The following FBN3 variants were observed in gnomAD, a reference collection of about 807,000 sequenced individuals.
The protein encoded by FBN3 is fibrillin 3, also known as fibrillin-3.
Under a neutral mutation model 330.1 loss-of-function variants are expected in FBN3, and 234 were observed. The observed-to-expected ratio is 0.71, with a 90% CI of 0.64 to 0.79. The LOEUF is 0.79. Ranked by LOEUF, FBN3 falls within the 30% of genes least tolerant of loss-of-function variation. The pLI is 0.00. For missense variants in FBN3, 3,606 were observed against 3,886.9 expected (o/e 0.93, Z 1.92); for synonymous variants, 1,458 against 1,517.3 (o/e 0.96, Z 0.91).
In FBN3 at chr19:8,147,094, T is replaced by C; in HGVS notation, c.250+10A>G. On this transcript the variant is annotated intron_variant, in intron 3 of 63. Transcript: ENST00000600128. Reference sequence around the variant, plus strand: ...GTGCCCCCCCACCTCCAGACGGCGGTAGCACTCACGTACGACACACTGGCT... The same window carrying C: ...GTGCCCCCCCACCTCCAGACGGCGGCAGCACTCACGTACGACACACTGGCT... The C allele has an allele frequency of 6.4e-7, 1 of 1,552,538 alleles. No individual in the cohort carries two copies. Among genetic ancestry groups the C allele is most frequent in the Non-Finnish European group, 8.7e-7 (1 of 1,151,710 alleles).
intron 61 of FBN3, among the ~76,000 whole-genome samples, chr19:8,073,973 T>G (rs2081582397): frequency 6.6e-6 from 1 of 152,092 alleles, no homozygotes; most frequent in East Asian, 1.9e-4. Context: ...GGATCCCAAT[T>G]GTGATGATCA....
chr19:8,072,000 ACTCACCCATTCC>A (rs1443893221), intron 63 of FBN3, 36 bp downstream of exon 63: 45 of 1,567,772 alleles, frequency 2.9e-5, no homozygotes, highest in Non-Finnish European at 3.8e-5. Flanking sequence ...TCTTTCCCAC[ACTCACCCATTCC>A]CTGGCCACCC....
At chr19:8,073,497 A>T (rs772359419) in intron 61 of FBN3, among the ~76,000 whole-genome samples, 200 bp from the exon 62 acceptor site, 1 of 152,142 alleles carries the variant, frequency 6.6e-6, no homozygotes, top group African/African-American at 2.4e-5. Flanking sequence ...TCTCCTTCAC[A>T]ACATCTCTCA....
At chr19:8,068,603 G>A (rs900481727) in intron 63 of FBN3, among the ~76,000 whole-genome samples, 7 of 151,860 alleles carry the variant, frequency 4.6e-5, no homozygotes, top group African/African-American at 1.5e-4. Context: ...TTGGGGGATT[G>A]AGGCGGGAGG....
At chr19:8,069,080 C>T (rs1032638154) in intron 63 of FBN3, among the ~76,000 whole-genome samples, 4 of 152,094 alleles carry the variant, frequency 2.6e-5, no homozygotes, top group Non-Finnish European at 4.4e-5. Context: ...AGAAGCCAGC[C>T]CCTAAAAGAA....
chr19:8,134,732 G>A (rs1452492348), intron 13 of FBN3, among the ~76,000 whole-genome samples: 5 of 151,850 alleles, frequency 3.3e-5, no homozygotes, highest in Admixed American at 1.3e-4. Flanking sequence ...TCAGGAGTTC[G>A]AGACCAGCCT....
chr19:8,133,208 G>T, intron 13 of FBN3, 102 bp from the exon 14 acceptor site: 4 of 1,365,100 alleles, frequency 2.9e-6, no homozygotes, highest in East Asian at 2.6e-5. Context: ...TCCCTCCCTG[G>T]AGTGTGGGAG....
rs776467790 is a variant in FBN3 at position 8,126,350 on chromosome 19, G to A, written c.2555-3C>T. The A allele has an allele frequency of 6.3e-7, 1 of 1,589,762 alleles. No homozygotes were observed. The highest frequency in any genetic ancestry group is 8.5e-7 in the Non-Finnish European group (1 of 1,169,728). On this transcript the variant is annotated splice_polypyrimidine_tract_variant and splice_region_variant and intron_variant, in intron 20 of 63. Transcript: ENST00000600128. ...AAAGCCCCGGGCACAGGCAGGGTCTGCAACTGGGAGAACAAGAGTGAAGAG... is the reference window on the plus strand; with the variant it reads ...AAAGCCCCGGGCACAGGCAGGGTCTACAACTGGGAGAACAAGAGTGAAGAG...
intron 6 of FBN3, among the ~76,000 whole-genome samples, chr19:8,143,408 T>G (rs865931346): frequency 2.6e-5 from 4 of 151,602 alleles, no homozygotes; most frequent in Non-Finnish European, 4.4e-5. Context: ...TCATCCTGAC[T>G]CCCTCCTTCT....
At position 8,126,530 on chromosome 19, in the gene FBN3, C is replaced by G; in HGVS notation, c.2492G>C (p.Arg831Pro). The G allele has an allele frequency of 6.2e-7, 1 of 1,613,126 alleles. No individual in the cohort carries two copies. The highest frequency in any genetic ancestry group is 8.5e-7 in the Non-Finnish European group (1 of 1,179,876). The stretch of plus-strand genomic sequence containing the variant: ...CCCGAGGGTGGCGCAGCACTCAGAC[C>G]GCAGGCTGGCTCCCTGAAGGTTCAC... Reference protein sequence around the residue: ...CEVNLQGASLRSECCATLGAA... With the variant: ...CEVNLQGASLPSECCATLGAA... The change falls in exon 20 of 64, where the codon CGG (arginine) becomes CCG (proline). Residue 831 changes from arginine to proline, a missense_variant. Arg to Pro is a moderately radical substitution (Grantham distance 103). Coordinates refer to ENST00000600128, the MANE Select transcript of FBN3 (RefSeq NM_032447.5).
chr19:8,112,205 C>A (rs1361307139), intron 30 of FBN3, 106 bp from the exon 31 acceptor site: 5 of 1,224,192 alleles, frequency 4.1e-6, no homozygotes, highest in East Asian at 2.5e-5. Context: ...GGAGAGCTGG[C>A]CCAGAAAGCC....
rs1024666831 is a variant in FBN3 at position 8,095,481 on chromosome 19, C to G, written c.5679G>C (p.Leu1893=). The G allele has an allele frequency of 3.4e-5, 55 of 1,613,616 alleles. 1 individual carries two copies. Among genetic ancestry groups the G allele is most frequent in the Non-Finnish European group, 1.5e-5 (18 of 1,179,740 alleles). ...DCVDFDECTT[L]VGQVCRFGHC... ...GGCCAAATCGGCACACCTGCCCCAC[C>G]AGGGTAGTACACTCATCAAAATCTG... The change falls in exon 46 of 64, where the codon CTG becomes CTC. Residue 1893 remains leucine (L), a synonymous_variant. Coordinates refer to ENST00000600128, the MANE Select transcript of FBN3 (RefSeq NM_032447.5).
chr19:8,100,120 C>G (rs764765452), intron 41 of FBN3, among the ~76,000 whole-genome samples: 1 of 151,902 alleles, frequency 6.6e-6, no homozygotes, highest in African/African-American at 2.4e-5. Flanking sequence ...ACAAATCCTA[C>G]GTGGTTCCAC....
At chr19:8,066,462 G>A (rs2081392898) in intron 63 of FBN3, among the ~76,000 whole-genome samples, 1 of 152,216 alleles carries the variant, frequency 6.6e-6, no homozygotes, top group Admixed American at 6.6e-5. Flanking sequence ...AATTAATGCA[G>A]AAACAGAAGA....
At position 8,101,422 on chromosome 19, in the gene FBN3, A is replaced by G. The variant is rs541025565; in HGVS notation, c.5090-450T>C. ...CCTCCTGGTGCCTGGGCTGGCTGCT[A>G]GATCATTCCAACAGGACTCATTCCT... On this transcript the variant is annotated intron_variant, in intron 40 of 63. Transcript: ENST00000600128. Among the ~76,000 whole-genome samples the G allele has an allele frequency of 1.9e-3, 293 of 152,266 alleles. 1 individual carries two copies. Among genetic ancestry groups the G allele is most frequent in the African/African-American group, 6.3e-3 (261 of 41,528 alleles).
intron 41 of FBN3, among the ~76,000 whole-genome samples, chr19:8,099,018 C>T (rs1190531209): frequency 6.6e-6 from 1 of 152,156 alleles, no homozygotes; most frequent in Non-Finnish European, 1.5e-5. Context: ...CAGATAGTAA[C>T]CTGGCCGGTT....
Position 8,085,564 on chromosome 19 carries a change from G to A in FBN3, c.6886C>T (p.Arg2296Trp), listed in dbSNP as rs780562387. Reference protein sequence around the residue: ...SPTLTECHDIRQGPCFAEVLQ... With the variant: ...SPTLTECHDIWQGPCFAEVLQ... ...ACCTCGGCAAAGCAGGGCCCCTGCCGGATGTCTGCAGAGAACAATGGGAAA... is the reference window on the plus strand; with the variant it reads ...ACCTCGGCAAAGCAGGGCCCCTGCCAGATGTCTGCAGAGAACAATGGGAAA... Residue 2296 changes from arginine (R) to tryptophan (W), a missense_variant, in exon 56 of 64, where the codon CGG (arginine) becomes TGG (tryptophan). Coordinates refer to ENST00000600128, the MANE Select transcript of FBN3 (RefSeq NM_032447.5). 39 of 1,563,902 alleles carry A rather than the reference G, an allele frequency of 2.5e-5. No individual in the cohort carries two copies. Among genetic ancestry groups the A allele is most frequent in the African/African-American group, 9.5e-5 (7 of 73,878 alleles).
intron 2 of FBN3, 22 bp downstream of exon 2, chr19:8,147,292 C>T: frequency 6.3e-7 from 1 of 1,583,658 alleles, no homozygotes; most frequent in Non-Finnish European, 8.6e-7. Flanking sequence ...AGGGGTCTCC[C>T]AGCATCCCAG....
chr19:8,068,822 T>C (rs1321491292), intron 63 of FBN3, among the ~76,000 whole-genome samples: 2 of 152,116 alleles, frequency 1.3e-5, no homozygotes, highest in Admixed American at 1.3e-4. Context: ...ATCTGTAGAC[T>C]CAGTGGCATA....
Sources: allele counts gnomAD v4.1 joint callset (sites outside exome capture counted in the v4.1 genomes callset), GRCh38; gene constraint gnomAD v4.1.1; transcripts MANE v1.5; gene names NCBI Gene and HGNC (gene_info 2026-07-23, HGNC 2026-07-21).